The following GRIK1 variants were observed in gnomAD, a reference collection of about 807,000 sequenced individuals.
GRIK1 encodes glutamate ionotropic receptor kainate type subunit 1.
A neutral mutation model predicts 105.7 loss-of-function variants in GRIK1; 69 were observed. That is an observed-to-expected ratio of 0.65 (90% CI 0.54 to 0.80). The LOEUF (loss-of-function observed/expected upper bound fraction) is 0.80, where lower values mean the gene tolerates loss of function less well. GRIK1 is among the 30% of genes least tolerant of loss of function. The probability of loss-of-function intolerance (pLI) is 0.00; values close to 1 mark genes in which losing one functional copy is unlikely to be tolerated. For synonymous variants in GRIK1, 438 were observed against 431.3 expected, an observed-to-expected ratio of 1.02 and a Z score of -0.19; for missense variants, 1,109 against 1,167.3, an observed-to-expected ratio of 0.95 and a Z score of 0.73.
chr21:29,853,543 C>T (rs1270346148), intron 1 of GRIK1, among the ~76,000 whole-genome samples: 1 of 152,230 alleles, frequency 6.6e-6, no homozygotes. Context: ...AAAGTATTTA[C>T]TAATTCTACT....
chr21:29,831,582 AGGAGAGTGAAGGG>A (rs2067642078), intron 1 of GRIK1, among the ~76,000 whole-genome samples: 1 of 152,142 alleles, frequency 6.6e-6, no homozygotes, highest in African/African-American at 2.4e-5. Flanking sequence ...GAAGAGAAGG[AGGAGAGTGAAGGG>A]GGAGGTGCTA....
intron 8 of GRIK1, among the ~76,000 whole-genome samples, chr21:29,597,069 G>A (rs115827515): frequency 0.013 from 2,042 of 152,200 alleles, 49 homozygotes; most frequent in African/African-American, 0.047. Context: ...TTGAGTGAAA[G>A]TGAGAATGGG....
chr21:29,650,523 A>G (rs976541745), intron 6 of GRIK1, among the ~76,000 whole-genome samples: 4 of 152,210 alleles, frequency 2.6e-5, no homozygotes, highest in African/African-American at 7.2e-5. Context: ...CTCTCTGATG[A>G]GGCAGTTCGC....
At chr21:29,719,081 C>CATATAT (rs71335089) in intron 1 of GRIK1, among the ~76,000 whole-genome samples, 11,991 of 143,012 alleles carry the variant, frequency 0.084, 566 homozygotes, top group East Asian at 0.19. Context: ...TGTGTATATA[C>CATATAT]ATATATATAT....
chr21:29,909,939 CAATAT>C (rs2070759792), intron 1 of GRIK1, among the ~76,000 whole-genome samples: 2 of 152,078 alleles, frequency 1.3e-5, no homozygotes, highest in Admixed American at 1.3e-4. Context: ...GACACATGGA[CAATAT>C]AATACTGTAC....
intron 8 of GRIK1, among the ~76,000 whole-genome samples, chr21:29,598,104 TGTAA>T (rs1261211470): frequency 7.2e-5 from 11 of 152,170 alleles, no homozygotes; most frequent in African/African-American, 1.4e-4. Context: ...ATCTTCAAAC[TGTAA>T]GTGTTAATTC....
chr21:29,897,324 A>T (rs2070206503), intron 1 of GRIK1, among the ~76,000 whole-genome samples: 2 of 152,206 alleles, frequency 1.3e-5, no homozygotes, highest in South Asian at 4.1e-4. Context: ...CATGCCTGCA[A>T]ATGAAATTGA....
chr21:29,680,147 T>C (rs1369272505), intron 3 of GRIK1, among the ~76,000 whole-genome samples: 1 of 152,180 alleles, frequency 6.6e-6, no homozygotes, highest in African/African-American at 2.4e-5. Flanking sequence ...CATCTTAAAG[T>C]AGTAGTGAAA....
At chr21:29,825,878 G>C (rs1335025856) in intron 1 of GRIK1, among the ~76,000 whole-genome samples, 1 of 152,056 alleles carries the variant, frequency 6.6e-6, no homozygotes, top group Admixed American at 6.6e-5. Flanking sequence ...AATCGTATTT[G>C]AATGCTATTT....
chr21:29,639,233 T>C (rs1283673869), intron 7 of GRIK1, among the ~76,000 whole-genome samples: 2 of 152,234 alleles, frequency 1.3e-5, no homozygotes, highest in Non-Finnish European at 2.9e-5. Context: ...CATTCATTAA[T>C]TCATTCATCA....
At chr21:29,681,505 TTC>T in intron 3 of GRIK1, among the ~76,000 whole-genome samples, 1 of 152,330 alleles carries the variant, frequency 6.6e-6, no homozygotes, top group African/African-American at 2.4e-5. Flanking sequence ...TAGAACCGCC[TTC>T]TCTCTCACAG....
intron 1 of GRIK1, among the ~76,000 whole-genome samples, chr21:29,813,129 C>G (rs183197160): frequency 6.6e-6 from 1 of 152,082 alleles, no homozygotes; most frequent in Non-Finnish European, 1.5e-5. Flanking sequence ...GCCTGGCACA[C>G]GCATGTAAAT....
chr21:29,935,120 A>C (rs1242697980), intron 1 of GRIK1, among the ~76,000 whole-genome samples: 4 of 152,100 alleles, frequency 2.6e-5, no homozygotes, highest in African/African-American at 7.2e-5. Flanking sequence ...CAGGTTTGGC[A>C]TCATGCACCA....
intron 3 of GRIK1, among the ~76,000 whole-genome samples, chr21:29,687,827 T>C (rs2063513235): frequency 6.6e-6 from 1 of 152,260 alleles, no homozygotes; most frequent in African/African-American, 2.4e-5. Flanking sequence ...CCTACGTCTT[T>C]AGTTGAACTC....
At chr21:29,850,101 C>T (rs1200034646) in intron 1 of GRIK1, among the ~76,000 whole-genome samples, 2 of 152,164 alleles carry the variant, frequency 1.3e-5, no homozygotes, top group African/African-American at 4.8e-5. Context: ...GGTTCGGTTT[C>T]GCTGACTTTC....
At chr21:29,923,055 ATGTGTT>A (rs1447669051) in intron 1 of GRIK1, among the ~76,000 whole-genome samples, 1 of 152,116 alleles carries the variant, frequency 6.6e-6, no homozygotes, top group African/African-American at 2.4e-5. Flanking sequence ...GTGTATGTGT[ATGTGTT>A]ATGCAAAAAT....
intron 14 of GRIK1, among the ~76,000 whole-genome samples, chr21:29,564,217 G>A (rs8133028): frequency 0.037 from 5,653 of 151,722 alleles, 341 homozygotes; most frequent in African/African-American, 0.13. Flanking sequence ...GCGCAATCTC[G>A]GCTCACTGCA....
chr21:29,685,906 G>T (rs958630233), intron 3 of GRIK1, among the ~76,000 whole-genome samples: 4 of 152,164 alleles, frequency 2.6e-5, no homozygotes, highest in African/African-American at 9.7e-5. Context: ...CCAAAAGCAA[G>T]ATATAAAATC....
At chr21:29,675,307 C>T (rs182779631) in intron 3 of GRIK1, among the ~76,000 whole-genome samples, 273 of 152,204 alleles carry the variant, frequency 1.8e-3, no homozygotes, top group Admixed American at 5.1e-3. Flanking sequence ...AAAATAGAGA[C>T]TCCAGGCTGC....
Sources: allele counts gnomAD v4.1 joint callset (sites outside exome capture counted in the v4.1 genomes callset), GRCh38; gene constraint gnomAD v4.1.1; transcripts MANE v1.5; gene names NCBI Gene and HGNC (gene_info 2026-07-23, HGNC 2026-07-21).